The following CASZ1 variants were observed in gnomAD, a reference collection of about 807,000 sequenced individuals.
CASZ1 encodes zinc finger protein castor homolog 1.
CASZ1 carries 28 observed loss-of-function variants against 135.2 expected under a neutral mutation model. That is an observed-to-expected ratio of 0.21 (90% CI 0.15 to 0.28). CASZ1 has a LOEUF of 0.28. CASZ1 is among the 10% of genes least tolerant of loss of function. The pLI is 1.00. For missense variants in CASZ1, 2,161 were observed against 2,453.3 expected (o/e 0.88, Z 2.52); for synonymous variants, 1,068 against 1,073.4 (o/e 0.99, Z 0.10).
intron 1 of CASZ1, among the ~76,000 whole-genome samples, chr1:10,761,247 G>A (rs149925511): frequency 6.6e-6 from 1 of 152,360 alleles, no homozygotes; most frequent in East Asian, 1.9e-4. Context: ...ACTGGAAACA[G>A]ATCAAACCCA....
At chr1:10,708,047 A>G (rs72641476) in intron 2 of CASZ1, among the ~76,000 whole-genome samples, 6 of 152,300 alleles carry the variant, frequency 3.9e-5, no homozygotes, top group Non-Finnish European at 7.4e-5. Context: ...CCGTCTGTCC[A>G]TCTGTCCATC....
chr1:10,753,508 C>T (rs990188109), intron 2 of CASZ1, among the ~76,000 whole-genome samples: 1 of 152,210 alleles, frequency 6.6e-6, no homozygotes, highest in Non-Finnish European at 1.5e-5. Context: ...AGCTCAACGG[C>T]TAATCCCCTG....
Position 10,653,860 on chromosome 1 carries a change from T to A in CASZ1, c.2197A>T (p.Ser733Cys). ...DDLVDFSALS[S>C]KNSSLSASPT... The stretch of plus-strand genomic sequence containing the variant: ...GAGGCGCTCAGGCTGGAGTTCTTGC[T>A]GCTCAGGGCGGAGAAGTCAACAAGG... Residue 733 changes from serine to cysteine, a missense_variant, in exon 11 of 21, where the codon AGC becomes TGC. By Grantham distance (112) the Ser-to-Cys change is moderately radical. This residue lies in a region of CASZ1 where 406 missense variants were observed against 387.6 expected (regional missense o/e 1.05). Coordinates refer to ENST00000377022, the MANE Select transcript of CASZ1 (RefSeq NM_001079843.3). 2 of 1,610,908 alleles carry A rather than the reference T, an allele frequency of 1.2e-6. No homozygotes were observed. Among genetic ancestry groups the A allele is most frequent in the Non-Finnish European group, 1.7e-6 (2 of 1,177,768 alleles).
chr1:10,785,892 C>G (rs756329010), intron 1 of CASZ1, among the ~76,000 whole-genome samples: 1 of 152,220 alleles, frequency 6.6e-6, no homozygotes, highest in Non-Finnish European at 1.5e-5. Context: ...CTGGGATCCT[C>G]TCATCTAATT....
intron 20 of CASZ1, among the ~76,000 whole-genome samples, chr1:10,641,179 G>C (rs1440616583): frequency 1.3e-5 from 2 of 152,250 alleles, no homozygotes; most frequent in Non-Finnish European, 2.9e-5. Flanking sequence ...GAGAGACTAA[G>C]GGCTGTGACG....
intron 4 of CASZ1, among the ~76,000 whole-genome samples, chr1:10,669,832 T>C (rs1643349526): frequency 6.6e-6 from 1 of 152,120 alleles, no homozygotes. Flanking sequence ...GTGAGTAATG[T>C]GTTCTGGGGC....
chr1:10,784,438 A>G (rs1240460905), intron 1 of CASZ1, among the ~76,000 whole-genome samples: 1 of 152,238 alleles, frequency 6.6e-6, no homozygotes, highest in Non-Finnish European at 1.5e-5. Context: ...GGCTCGTTCA[A>G]GGAAGAACCA....
At chr1:10,667,487 G>C (rs1021881923) in intron 4 of CASZ1, among the ~76,000 whole-genome samples, 1 of 152,126 alleles carries the variant, frequency 6.6e-6, no homozygotes, top group Non-Finnish European at 1.5e-5. Flanking sequence ...AGCACGATGC[G>C]GGGCCCCTCT....
chr1:10,696,173 C>A (rs898647181), intron 3 of CASZ1, among the ~76,000 whole-genome samples: 5 of 152,120 alleles, frequency 3.3e-5, no homozygotes, highest in Admixed American at 1.3e-4. Flanking sequence ...TCCTTTTTTC[C>A]TGCTTGCTCT....
At chr1:10,655,342 A>G (rs1642750757) in intron 9 of CASZ1, among the ~76,000 whole-genome samples, 1 of 152,254 alleles carries the variant, frequency 6.6e-6, no homozygotes, top group African/African-American at 2.4e-5. Context: ...ATCATTTGCA[A>G]TGCTGCTCTT....
chr1:10,686,135 G>C (rs1036347167), intron 4 of CASZ1, among the ~76,000 whole-genome samples: 1 of 151,624 alleles, frequency 6.6e-6, no homozygotes, highest in Non-Finnish European at 1.5e-5. Context: ...ACGGGGGCCT[G>C]TGGGCGCCTG....
intron 2 of CASZ1, among the ~76,000 whole-genome samples, chr1:10,743,343 C>A (rs558656371): frequency 6.6e-6 from 1 of 151,546 alleles, no homozygotes; most frequent in East Asian, 2.0e-4. Context: ...TCCCCACGGT[C>A]GGAGAAGGAG....
rs2100257258 is a variant in CASZ1 at position 10,659,648 on chromosome 1, T to C, written c.1340+54A>G. 4 of 1,443,012 alleles carry C rather than the reference T, an allele frequency of 2.8e-6. No individual in the cohort carries two copies. In the Middle Eastern group the frequency reaches 7.0e-4, roughly 251 times the overall value. The allele number at this position is 1,443,012 out of a possible 1,614,324, so 89.4% of individuals were successfully genotyped here. On this transcript the variant is annotated intron_variant, in intron 6 of 20. Coordinates refer to ENST00000377022, the MANE Select transcript of CASZ1 (RefSeq NM_001079843.3). ...GGCAACCCTGGTGAGGAAGGAGGCCTCCTGTCTAGTCTGGCTCCTGGCTCT... is the reference window on the plus strand; with the variant it reads ...GGCAACCCTGGTGAGGAAGGAGGCCCCCTGTCTAGTCTGGCTCCTGGCTCT...
intron 5 of CASZ1, among the ~76,000 whole-genome samples, chr1:10,662,931 G>A (rs1046058540): frequency 6.6e-6 from 1 of 152,122 alleles, no homozygotes; most frequent in Admixed American, 6.5e-5. Flanking sequence ...CACCTCTTCC[G>A]CACATGCCCC....
In CASZ1 at chr1:10,639,548, G is replaced by A. The variant is rs772910102; in HGVS notation, c.4674C>T (p.Ala1558=). The change falls in exon 21 of 21, where the codon GCC becomes GCT. Residue 1558 remains alanine (A), a synonymous_variant. Coordinates refer to ENST00000377022, the MANE Select transcript of CASZ1 (RefSeq NM_001079843.3). This position sits in a 1 kb window ranked among gnomAD's most constrained non-coding sequence, Gnocchi z 4.0. ...FCQFSSSADC[A]VPDCKYKLKC... The stretch of plus-strand genomic sequence containing the variant: ...TGAGCTTGTACTTGCAGTCGGGCAC[G>A]GCGCAGTCGGCGCTGGAGCTGAACT... 2 of 1,610,498 alleles carry A rather than the reference G, an allele frequency of 1.2e-6. No homozygotes were observed. Among genetic ancestry groups the A allele is most frequent in the Non-Finnish European group, 8.5e-7 (1 of 1,178,348 alleles).
At chr1:10,778,642 C>A (rs1445106504) in intron 1 of CASZ1, among the ~76,000 whole-genome samples, 1 of 152,130 alleles carries the variant, frequency 6.6e-6, no homozygotes, top group South Asian at 2.1e-4. Flanking sequence ...AATCTGATTC[C>A]TAAAATGTCT....
Position 10,676,906 on chromosome 1 carries a change from C to T in CASZ1, c.17-11335G>A, listed in dbSNP as rs1312964506. Among the ~76,000 whole-genome samples, 2 of 152,246 alleles carry T rather than the reference C, an allele frequency of 1.3e-5. No homozygotes were observed. The highest frequency in any genetic ancestry group is 2.9e-5 in the Non-Finnish European group (2 of 68,044). ...GGCATGCACTCTGTCCGGGCTGAACCCCATACTGCCTGGCTCTGCCACTGC... is the reference window on the plus strand; with the variant it reads ...GGCATGCACTCTGTCCGGGCTGAACTCCATACTGCCTGGCTCTGCCACTGC... On this transcript the variant is annotated intron_variant, in intron 4 of 20. Transcript: ENST00000377022. The surrounding 1 kb of genome is among the most constrained non-coding windows in gnomAD (Gnocchi z 4.5).
At chr1:10,746,433 A>G (rs1295004000) in intron 2 of CASZ1, among the ~76,000 whole-genome samples, 1 of 152,252 alleles carries the variant, frequency 6.6e-6, no homozygotes, top group East Asian at 1.9e-4. Context: ...ATTAGACCCC[A>G]GGAAAAAATA....
rs889807593 is a variant in CASZ1, at chr1:10,794,613, G to A, written c.-234+1951C>T. Among the ~76,000 whole-genome samples, 2 of 152,194 alleles carry A rather than the reference G, an allele frequency of 1.3e-5. No homozygotes were observed. The highest frequency in any genetic ancestry group is 4.8e-5 in the African/African-American group (2 of 41,450). ...GCCGGCTTTCCAAGCTGAAGCTGGG[G>A]CAGAGGAACTTGTGTGGAGGAAGAG... On this transcript the variant is annotated intron_variant, in intron 1 of 20. Transcript: ENST00000377022. The surrounding 1 kb of genome is among the most constrained non-coding windows in gnomAD (Gnocchi z 5.6).
Sources: gnomAD v4.1 joint callset for allele counts (sites outside exome capture counted in the v4.1 genomes callset) on GRCh38, gnomAD v4.1.1 for gene constraint, gnomAD v4.1.1 regional missense constraint, Gnocchi (gnomAD v3.1) non-coding constraint, MANE v1.5 for transcripts, NCBI Gene and HGNC (gene_info 2026-07-23, HGNC 2026-07-21) for gene names.